The following GSE1 variants were observed in gnomAD, a reference collection of about 807,000 sequenced individuals.
GSE1 encodes the protein genetic suppressor element 1.
A neutral mutation model predicts 112.6 loss-of-function variants in GSE1; 32 were observed. That is an observed-to-expected ratio of 0.28 (90% CI 0.21 to 0.38). The LOEUF is 0.38. GSE1 is among the 10% of genes least tolerant of loss of function. The pLI is 1.00. For synonymous variants in GSE1, 1,115 were observed against 735.6 expected, an observed-to-expected ratio of 1.52 and a Z score of -8.35; for missense variants, 2,348 against 1,699.2, an observed-to-expected ratio of 1.38 and a Z score of -6.71.
intron 3 of GSE1, among the ~76,000 whole-genome samples, chr16:85,649,636 C>CT (rs1411940224): frequency 1.1e-5 from 1 of 93,380 alleles, no homozygotes; most frequent in Non-Finnish European, 2.9e-5. Flanking sequence ...GCTCTCCCGG[C>CT]CCCCCACCCC....
intron 2 of GSE1, among the ~76,000 whole-genome samples, chr16:85,392,788 C>G (rs2047872413): frequency 1.3e-5 from 2 of 152,194 alleles, no homozygotes; most frequent in Non-Finnish European, 2.9e-5. Flanking sequence ...CTCCTTGACC[C>G]TTAGGGAGCG....
chr16:85,626,607 C>A (rs534372892), intron 1 of GSE1, among the ~76,000 whole-genome samples: 116 of 152,308 alleles, frequency 7.6e-4, no homozygotes, highest in African/African-American at 2.6e-3. Flanking sequence ...GTAATTACCC[C>A]ACGGGGGGCT....
At chr16:85,195,063 C>T (rs938097414) in intron 1 of GSE1, among the ~76,000 whole-genome samples, 1 of 152,106 alleles carries the variant, frequency 6.6e-6, no homozygotes, top group Admixed American at 6.5e-5. Context: ...TGTTCAGACT[C>T]CACCATCCAA....
intron 1 of GSE1, among the ~76,000 whole-genome samples, chr16:85,622,298 G>T (rs1190730696): frequency 6.6e-6 from 1 of 152,192 alleles, no homozygotes; most frequent in Non-Finnish European, 1.5e-5. Context: ...TGATGTCTGG[G>T]CACAGCACTT....
intron 1 of GSE1, among the ~76,000 whole-genome samples, chr16:85,620,067 A>G (rs1192784424): frequency 3.3e-5 from 5 of 152,096 alleles, no homozygotes; most frequent in African/African-American, 7.2e-5. Context: ...AGGCCGAGGC[A>G]GGTGGATTGC....
intron 2 of GSE1, among the ~76,000 whole-genome samples, chr16:85,519,390 A>T (rs370543811): frequency 2.2e-4 from 18 of 81,164 alleles, no homozygotes; most frequent in African/African-American, 8.6e-4. Flanking sequence ...CATCACCTTC[A>T]CCACCATCAT....
intron 1 of GSE1, among the ~76,000 whole-genome samples, chr16:85,331,601 GTATTTGTGTA>G (rs1567693249): frequency 1.1e-4 from 14 of 132,750 alleles, no homozygotes; most frequent in South Asian, 2.4e-4. Context: ...GTGTATATGT[GTATTTGTGTA>G]TATATGTGTG....
chr16:85,641,140 G>A (rs1411025952), intron 2 of GSE1, among the ~76,000 whole-genome samples: 1 of 152,196 alleles, frequency 6.6e-6, no homozygotes, highest in Admixed American at 6.5e-5. Context: ...TTTCCCTGAT[G>A]CACCCTGTGC....
At chr16:85,572,272 A>T (rs923580911) in intron 1 of GSE1, among the ~76,000 whole-genome samples, 2 of 139,344 alleles carry the variant, frequency 1.4e-5, no homozygotes, top group African/African-American at 2.7e-5. Context: ...CACACACACC[A>T]ACACACCACA....
chr16:85,400,677 CTG>C lies in GSE1; in HGVS notation c.2464+43040_2464+43041del, dbSNP rs570263063. Among the ~76,000 whole-genome samples, 37 of 149,754 alleles carry C rather than the reference CTG, an allele frequency of 2.5e-4. No individual in the cohort carries two copies. The East Asian group carries it at 3.5e-3, about 14-fold the overall frequency. ...GTGTCTGTGTATGTTGCGTGTGTCTCTGTGTGTTTTTGTGTGTTTGTATGTGT... is the reference window on the plus strand; with the variant it reads ...GTGTCTGTGTATGTTGCGTGTGTCTCTGTGTTTTTGTGTGTTTGTATGTGT... On this transcript the variant is annotated intron_variant, in intron 2 of 2. Transcript: ENST00000637419.
intron 1 of GSE1, among the ~76,000 whole-genome samples, chr16:85,341,198 C>CTT (rs77139044): frequency 1.3e-4 from 19 of 148,142 alleles, no homozygotes; most frequent in East Asian, 4.0e-4. Flanking sequence ...CTGTTGTTTA[C>CTT]TTTTTTTTTT....
chr16:85,343,844 A>G (rs1401497796), intron 1 of GSE1, among the ~76,000 whole-genome samples: 1 of 152,216 alleles, frequency 6.6e-6, no homozygotes, highest in African/African-American at 2.4e-5. Context: ...AATGAGATCC[A>G]GAGTCCTCCC....
At chr16:85,259,592 G>C (rs1449244850) in intron 1 of GSE1, among the ~76,000 whole-genome samples, 1 of 152,246 alleles carries the variant, frequency 6.6e-6, no homozygotes, top group Non-Finnish European at 1.5e-5. Flanking sequence ...GGGAGGAGCT[G>C]CTTGTCCTGC....
At chr16:85,610,536 C>A (rs980157813), upstream of GSE1, among the ~76,000 whole-genome samples, 2 of 152,234 alleles carry the variant, frequency 1.3e-5, no homozygotes, top group African/African-American at 4.8e-5. Flanking sequence ...CAATTCCCAC[C>A]CTTAAACTCG....
chr16:85,261,303 C>T (rs1183373178), intron 1 of GSE1, among the ~76,000 whole-genome samples: 1 of 151,800 alleles, frequency 6.6e-6, no homozygotes, highest in Admixed American at 6.6e-5. Context: ...AGGCCTGGTG[C>T]CCCCACTCAC....
chr16:85,171,578 T>G (rs916723879), exon 1 of GSE1: 58 of 985,592 alleles, frequency 5.9e-5, no homozygotes, highest in Middle Eastern at 5.2e-4. Flanking sequence ...TTCGTGTGCT[T>G]CTTTTGTCAG....
chr16:85,671,053 C>T lies in GSE1; in HGVS notation c.3474C>T (p.His1158=). 6.2e-7 allele frequency: 1 copy of T among 1,612,732 alleles called. No individual in the cohort carries two copies. The highest frequency in any genetic ancestry group is 8.5e-7 in the Non-Finnish European group (1 of 1,178,748). ...AATGTAGACGACTGGAGGCCCGGCA[C>T]TACAGCCTCAGCCTGACGGCAGAGC... ...QTQCRRLEAR[H]YSLSLTAEQL... The change falls in exon 15 of 16, where the codon CAC becomes CAT. Residue 1158 remains histidine (H), a synonymous_variant. Coordinates refer to ENST00000253458, the MANE Select transcript of GSE1 (RefSeq NM_014615.5).
chr16:85,188,374 T>C (rs898965381), intron 1 of GSE1, among the ~76,000 whole-genome samples: 8 of 152,364 alleles, frequency 5.3e-5, no homozygotes, highest in Non-Finnish European at 8.8e-5. Context: ...TTGGCTCTTA[T>C]TACTTTTGCT....
chr16:85,244,990 CA>C (rs34575276), intron 1 of GSE1, among the ~76,000 whole-genome samples: 45,241 of 117,598 alleles, frequency 0.38, 7,736 homozygotes, highest in Middle Eastern at 0.55. Flanking sequence ...GACTTCATCT[CA>C]AAAAAAAAAA....
Sources: allele counts gnomAD v4.1 joint callset (sites outside exome capture counted in the v4.1 genomes callset), GRCh38; gene constraint gnomAD v4.1.1; transcripts MANE v1.5; gene names NCBI Gene and HGNC (gene_info 2026-07-23, HGNC 2026-07-21).